ITPR1: variants seen among roughly 807,000 people sequenced by gnomAD.
The protein encoded by ITPR1 is inositol 1,4,5-trisphosphate-gated calcium channel ITPR1.
In ITPR1, 96 loss-of-function variants were observed where a neutral mutation model predicts 318.4. The ratio of observed to expected loss-of-function variants is 0.30; its 90% confidence interval spans 0.26 to 0.36. The LOEUF (loss-of-function observed/expected upper bound fraction) is 0.36. ITPR1 is among the 10% of genes least tolerant of loss of function. ITPR1 has a pLI of 1.00. For missense variants in ITPR1, 2,440 were observed against 3,460.2 expected, an observed-to-expected ratio of 0.71 and a Z score of 7.40; for synonymous variants, 1,312 against 1,289.9, an observed-to-expected ratio of 1.02 and a Z score of -0.37.
intron 40 of ITPR1, among the ~76,000 whole-genome samples, chr3:4,720,223 G>C (rs1291045928): frequency 6.6e-6 from 1 of 152,146 alleles, no homozygotes; most frequent in Non-Finnish European, 1.5e-5. Flanking sequence ...ACAGTTTTGT[G>C]GGGGGCAAAG....
intron 46 of ITPR1, among the ~76,000 whole-genome samples, chr3:4,771,674 A>G (rs2046195183): frequency 6.6e-6 from 1 of 152,076 alleles, no homozygotes; most frequent in African/African-American, 2.4e-5. Context: ...CTCGTTCCTC[A>G]GTGCATTGCT....
At chr3:4,765,260 G>A (rs958899964) in intron 44 of ITPR1, among the ~76,000 whole-genome samples, 1 of 152,132 alleles carries the variant, frequency 6.6e-6, no homozygotes, top group Non-Finnish European at 1.5e-5. Flanking sequence ...AGCACAGGCA[G>A]GATGGATGGA....
At chr3:4,612,514 C>T (rs1262656038) in intron 4 of ITPR1, among the ~76,000 whole-genome samples, 1 of 151,488 alleles carries the variant, frequency 6.6e-6, no homozygotes, top group Non-Finnish European at 1.5e-5. Context: ...TTTTCTATAT[C>T]CCCCCACTTC....
intron 47 of ITPR1, among the ~76,000 whole-genome samples, chr3:4,776,149 G>T (rs2046470818): frequency 6.6e-6 from 1 of 152,156 alleles, no homozygotes; most frequent in Non-Finnish European, 1.5e-5. Flanking sequence ...TGCAATCTCG[G>T]CTCACTGCCT....
intron 52 of ITPR1, among the ~76,000 whole-genome samples, chr3:4,789,514 T>C (rs956794574): frequency 1.5e-4 from 23 of 152,254 alleles, no homozygotes; most frequent in African/African-American, 5.1e-4. Context: ...GCTATTATGT[T>C]ACATAGGAGA....
intron 1 of ITPR1, among the ~76,000 whole-genome samples, chr3:4,494,195 C>G (rs1299377339): frequency 1.3e-5 from 2 of 152,222 alleles, no homozygotes; most frequent in African/African-American, 4.8e-5. Context: ...CCCGCACGTT[C>G]GAAGTTTGTG....
At chr3:4,701,675 G>T (rs1250278737) in intron 35 of ITPR1, among the ~76,000 whole-genome samples, 6 of 152,048 alleles carry the variant, frequency 3.9e-5, no homozygotes, top group Non-Finnish European at 7.4e-5. Flanking sequence ...CTTTTCTTTT[G>T]GATAATTTCT....
At chr3:4,652,630 A>G (rs1277675657) in intron 11 of ITPR1, among the ~76,000 whole-genome samples, 1 of 152,190 alleles carries the variant, frequency 6.6e-6, no homozygotes, top group Non-Finnish European at 1.5e-5. Flanking sequence ...AATCTTATAA[A>G]GAAATTTGGC....
chr3:4,591,871 C>A (rs1041789647), intron 4 of ITPR1, among the ~76,000 whole-genome samples: 1 of 152,058 alleles, frequency 6.6e-6, no homozygotes, highest in Non-Finnish European at 1.5e-5. Context: ...TCATTTGGAG[C>A]AGTGTCAGTT....
chr3:4,518,047 T>C (rs1303135470), intron 3 of ITPR1, among the ~76,000 whole-genome samples: 1 of 152,222 alleles, frequency 6.6e-6, no homozygotes, highest in East Asian at 1.9e-4. Context: ...CAAAGTCACT[T>C]GCCCAAGATT....
At position 4,805,896 on chromosome 3, in the gene ITPR1, G is replaced by A. The variant is rs540862270; in HGVS notation, c.7108-207G>A. Among the ~76,000 whole-genome samples the A allele has an allele frequency of 7.1e-4, 108 of 152,336 alleles. 3 individuals carry two copies. The highest frequency in any genetic ancestry group is 6.8e-3 in the Middle Eastern group (2 of 294). The stretch of plus-strand genomic sequence containing the variant: ...GCGCATGAAGTTATTTGACTACCAT[G>A]TAATTTGTAATATGCCTGAAAAGCA... On this transcript the variant is annotated intron_variant, in intron 54 of 61. Coordinates refer to ENST00000649015, the MANE Select transcript of ITPR1 (RefSeq NM_001378452.1).
intron 44 of ITPR1, among the ~76,000 whole-genome samples, chr3:4,743,449 G>T (rs910732338): frequency 1.3e-5 from 2 of 152,192 alleles, no homozygotes; most frequent in Non-Finnish European, 2.9e-5. Context: ...CAGACAGTAG[G>T]TAATGCATGC....
At chr3:4,636,883 C>G (rs2093207667) in intron 5 of ITPR1, among the ~76,000 whole-genome samples, 1 of 152,136 alleles carries the variant, frequency 6.6e-6, no homozygotes, top group Non-Finnish European at 1.5e-5. Context: ...TGGAATATGC[C>G]TTCTTGATGG....
At chr3:4,668,855 T>A (rs753956048) in intron 18 of ITPR1, among the ~76,000 whole-genome samples, 1 of 152,256 alleles carries the variant, frequency 6.6e-6, no homozygotes, top group African/African-American at 2.4e-5. Context: ...CAGTTGTTGG[T>A]TGAGCGTTTT....
chr3:4,825,367 G>C (rs1307137148), intron 60 of ITPR1, among the ~76,000 whole-genome samples: 1 of 152,166 alleles, frequency 6.6e-6, no homozygotes, highest in Non-Finnish European at 1.5e-5. Context: ...GGAGGTGGTG[G>C]GGTGCTTTTG....
chr3:4,820,981 G>A (rs1283214650), intron 60 of ITPR1, among the ~76,000 whole-genome samples: 1 of 152,232 alleles, frequency 6.6e-6, no homozygotes, highest in East Asian at 1.9e-4. Flanking sequence ...GTCACACCCT[G>A]TGGAGGCAGC....
In ITPR1 at chr3:4,744,860, G is replaced by A. The variant is rs183477698; in HGVS notation, c.5544+9506G>A. ...TGGGAATTCAGGGAAACAGGCTGGG[G>A]CCTCCCTCCCTCCCTTCCTCCCTCT... On this transcript the variant is annotated intron_variant, in intron 44 of 61. Transcript: ENST00000649015. Among the ~76,000 whole-genome samples the A allele has an allele frequency of 4.0e-3, 610 of 151,980 alleles. 2 individuals are homozygous for A. Among genetic ancestry groups the A allele is most frequent in the Non-Finnish European group, 6.9e-3 (471 of 67,924 alleles).
intron 4 of ITPR1, among the ~76,000 whole-genome samples, chr3:4,544,655 C>T (rs929104863): frequency 2.0e-5 from 3 of 152,170 alleles, no homozygotes; most frequent in Non-Finnish European, 4.4e-5. Flanking sequence ...TCCTCTCAGT[C>T]GTTTTGGACT....
Position 4,612,063 on chromosome 3 carries a change from CT to C in ITPR1, c.164-15680del, listed in dbSNP as rs34678180. Among the ~76,000 whole-genome samples, 523 of 108,540 alleles carry C rather than the reference CT, an allele frequency of 4.8e-3. 5 individuals carry two copies. The highest frequency in any genetic ancestry group is 0.016 in the African/African-American group (450 of 27,578). 71.2% of individuals were successfully genotyped at this position (108,540 alleles called of 152,430 possible). On this transcript the variant is annotated intron_variant, in intron 4 of 61. Transcript: ENST00000649015. The stretch of plus-strand genomic sequence containing the variant: ...TATAGCATAACAAGTGTATCAGGCC[CT>C]TTTTTTTTTTTTTTTTTTTGAGATG...
Sources: allele counts gnomAD v4.1 joint callset (sites outside exome capture counted in the v4.1 genomes callset), GRCh38; gene constraint gnomAD v4.1.1; transcripts MANE v1.5; gene names NCBI Gene and HGNC (gene_info 2026-07-23, HGNC 2026-07-21).